Variants in KCNH8 observed in about 807,000 individuals in gnomAD.
KCNH8 encodes the protein voltage-gated delayed rectifier potassium channel KCNH8.
In KCNH8, 70 loss-of-function variants were observed where a neutral mutation model predicts 103.6. That is an observed-to-expected ratio of 0.68 (90% CI 0.56 to 0.82). The LOEUF (loss-of-function observed/expected upper bound fraction) is 0.82. Among genes scored for constraint, KCNH8 ranks in the 40% least tolerant of loss-of-function variants. KCNH8 has a pLI of 0.00. For synonymous variants in KCNH8, 498 were observed against 489.4 expected (o/e 1.02, Z -0.23); for missense variants, 1,217 against 1,329.9 (o/e 0.92, Z 1.32).
chr3:19,352,299 C>A (rs1306305050), intron 5 of KCNH8, among the ~76,000 whole-genome samples: 1 of 152,098 alleles, frequency 6.6e-6, no homozygotes, highest in African/African-American at 2.4e-5. Context: ...CTTTAACACC[C>A]CACTGTCAAT....
At chr3:19,533,028 C>A (rs2125255514) in intron 15 of KCNH8, among the ~76,000 whole-genome samples, 1 of 152,028 alleles carries the variant, frequency 6.6e-6, no homozygotes, top group African/African-American at 2.4e-5. Context: ...CATGATGAAA[C>A]CCCGTCTCTA....
chr3:19,475,770 T>C (rs919097070), intron 11 of KCNH8, among the ~76,000 whole-genome samples: 1 of 152,198 alleles, frequency 6.6e-6, no homozygotes, highest in Admixed American at 6.6e-5. Flanking sequence ...ACATAATTCT[T>C]GTTCTGGGAA....
At chr3:19,305,090 C>T (rs557024948) in intron 3 of KCNH8, among the ~76,000 whole-genome samples, 1 of 151,562 alleles carries the variant, frequency 6.6e-6, no homozygotes, top group Non-Finnish European at 1.5e-5. Flanking sequence ...GATAATTCGA[C>T]TTCCAGAAAA....
intron 5 of KCNH8, among the ~76,000 whole-genome samples, chr3:19,348,438 G>A (rs1385304307): frequency 6.6e-6 from 1 of 152,128 alleles, no homozygotes; most frequent in Non-Finnish European, 1.5e-5. Flanking sequence ...AAGCCTTGCA[G>A]TAAATCTGGA....
chr3:19,491,345 C>T (rs1290014165), intron 11 of KCNH8, among the ~76,000 whole-genome samples: 2 of 152,178 alleles, frequency 1.3e-5, no homozygotes, highest in Non-Finnish European at 2.9e-5. Flanking sequence ...CTCTCTCTAG[C>T]AGTCCCCAGT....
chr3:19,346,406 G>A (rs761856425), intron 4 of KCNH8, among the ~76,000 whole-genome samples: 4 of 152,058 alleles, frequency 2.6e-5, no homozygotes, highest in Non-Finnish European at 5.9e-5. Flanking sequence ...TGGCAAATGG[G>A]CATTTAAGGA....
chr3:19,477,213 A>G (rs2067994923), intron 11 of KCNH8, among the ~76,000 whole-genome samples: 1 of 152,144 alleles, frequency 6.6e-6, no homozygotes, highest in Non-Finnish European at 1.5e-5. Context: ...GGACCCATGC[A>G]TGTGAATGTT....
At chr3:19,274,490 C>G (rs757860302) in intron 2 of KCNH8, among the ~76,000 whole-genome samples, 2 of 152,080 alleles carry the variant, frequency 1.3e-5, no homozygotes, top group Non-Finnish European at 2.9e-5. Context: ...AAACTCCTTT[C>G]AACTGTAGGT....
chr3:19,295,973 A>T (rs1373028943), intron 3 of KCNH8, among the ~76,000 whole-genome samples: 1 of 152,144 alleles, frequency 6.6e-6, no homozygotes, highest in Non-Finnish European at 1.5e-5. Flanking sequence ...CATCCCAGCT[A>T]GCTTGTTTTC....
At chr3:19,151,073 TAAAC>T (rs1247484968) in intron 1 of KCNH8, among the ~76,000 whole-genome samples, 1 of 152,122 alleles carries the variant, frequency 6.6e-6, no homozygotes, top group Non-Finnish European at 1.5e-5. Flanking sequence ...TAAAATACCT[TAAAC>T]AAAATTTTAG....
intron 3 of KCNH8, among the ~76,000 whole-genome samples, chr3:19,331,281 A>ATTTATTTC (rs921760322): frequency 8.0e-6 from 1 of 125,384 alleles, no homozygotes; most frequent in East Asian, 2.9e-4. Context: ...TTATTTATTT[A>ATTTATTTC]TTTATTGTTG....
intron 11 of KCNH8, among the ~76,000 whole-genome samples, chr3:19,493,065 C>G (rs1021239312): frequency 4.6e-5 from 7 of 151,104 alleles, no homozygotes; most frequent in African/African-American, 1.7e-4. Context: ...GATTTTTGTA[C>G]ATTGATTTTT....
intron 1 of KCNH8, among the ~76,000 whole-genome samples, chr3:19,243,549 G>A (rs1030413241): frequency 1.3e-5 from 2 of 152,122 alleles, no homozygotes; most frequent in African/African-American, 2.4e-5. Flanking sequence ...TGAGGTTTTG[G>A]AAAATGCTAC....
chr3:19,501,900 A>C (rs1255633846), intron 11 of KCNH8, among the ~76,000 whole-genome samples: 1 of 152,208 alleles, frequency 6.6e-6, no homozygotes, highest in East Asian at 1.9e-4. Context: ...ACTCCTATTC[A>C]ATATAGTGTT....
chr3:19,356,277 A>G (rs910522976), intron 5 of KCNH8, among the ~76,000 whole-genome samples: 2 of 151,954 alleles, frequency 1.3e-5, no homozygotes, highest in Admixed American at 6.6e-5. Context: ...AATTTATTTA[A>G]ATATGATTAA....
At chr3:19,498,968 C>A (rs1442234673) in intron 11 of KCNH8, among the ~76,000 whole-genome samples, 1 of 152,064 alleles carries the variant, frequency 6.6e-6, no homozygotes, top group Non-Finnish European at 1.5e-5. Context: ...GCTGGGAGAA[C>A]CACTGCTCTC....
intron 3 of KCNH8, among the ~76,000 whole-genome samples, chr3:19,288,822 T>A (rs1331962226): frequency 6.6e-6 from 1 of 152,230 alleles, no homozygotes; most frequent in Non-Finnish European, 1.5e-5. Context: ...TCCACAATGG[T>A]TGAACTAGTT....
chr3:19,433,136 A>G (rs2067147701), intron 7 of KCNH8, among the ~76,000 whole-genome samples: 2 of 152,286 alleles, frequency 1.3e-5, no homozygotes, highest in East Asian at 3.9e-4. Flanking sequence ...AAAACTTCCT[A>G]TCGTACAAAC....
chr3:19,153,639 T>TC (rs1213803025), intron 1 of KCNH8, among the ~76,000 whole-genome samples: 1 of 148,444 alleles, frequency 6.7e-6, no homozygotes, highest in Admixed American at 6.7e-5. Flanking sequence ...TTTTTTCTTT[T>TC]TTTTTTTTTT....
Sources: gnomAD v4.1 joint callset for allele counts (sites outside exome capture counted in the v4.1 genomes callset) on GRCh38, gnomAD v4.1.1 for gene constraint, MANE v1.5 for transcripts, NCBI Gene and HGNC (gene_info 2026-07-23, HGNC 2026-07-21) for gene names.